ZHX2: variants seen among roughly 807,000 people sequenced by gnomAD.
The protein encoded by ZHX2 is zinc fingers and homeoboxes protein 2.
Under a neutral mutation model 21.9 loss-of-function variants are expected in ZHX2, and 6 were observed. That is an observed-to-expected ratio of 0.27 (90% CI 0.15 to 0.54). The LOEUF is 0.54. ZHX2 is among the 20% of genes least tolerant of loss of function. The probability of loss-of-function intolerance (pLI) is 0.95; values close to 1 mark genes in which losing one functional copy is unlikely to be tolerated. For synonymous variants in ZHX2, 434 were observed against 437.1 expected, an observed-to-expected ratio of 0.99 and a Z score of 0.09; for missense variants, 908 against 1,090.7, an observed-to-expected ratio of 0.83 and a Z score of 2.36.
rs144050929 is a variant in ZHX2 at position 122,796,914 on chromosome 8, C to T, written c.-283+14968C>T. On this transcript the variant is annotated intron_variant, in intron 1 of 3. Transcript: ENST00000314393. ...GCCTGCTGGTGCCTCCTTTGGTCTC[C>T]TAAGTCCGTGCTGTCTCCAGTAAGG... 3.3e-3 allele frequency among the ~76,000 whole-genome samples: 504 copies of T among 152,302 alleles called. 3 individuals carry two copies. The highest frequency in any genetic ancestry group is 0.012 in the African/African-American group (488 of 41,560).
In ZHX2 at chr8:122,952,019, C is replaced by A; in HGVS notation, c.509C>A (p.Pro170His). The A allele has an allele frequency of 6.2e-7, 1 of 1,613,770 alleles. No individual in the cohort carries two copies. Among genetic ancestry groups the A allele is most frequent in the Non-Finnish European group, 8.5e-7 (1 of 1,179,998 alleles). ...NHVVSITTSG[P>H]GTGDSDSGIS... Reference sequence around the variant, plus strand: ...GTCGTGTCCATCACCACCAGTGGCCCTGGAACTGGTGACAGTGATTCTGGG... The same window carrying A: ...GTCGTGTCCATCACCACCAGTGGCCATGGAACTGGTGACAGTGATTCTGGG... Residue 170 changes from proline to histidine, a missense_variant, in exon 3 of 4, where the codon CCT (proline) becomes CAT (histidine). Pro to His is a moderately conservative substitution (Grantham distance 77). Coordinates refer to ENST00000314393, the MANE Select transcript of ZHX2 (RefSeq NM_014943.5). This position sits in a 1 kb window ranked among gnomAD's most constrained non-coding sequence, Gnocchi z 6.9.
chr8:122,850,079 T>C (rs1278598182), intron 1 of ZHX2, among the ~76,000 whole-genome samples: 1 of 152,206 alleles, frequency 6.6e-6, no homozygotes, highest in East Asian at 1.9e-4. Context: ...TTAACCCCAA[T>C]GCACAGGCCA....
At chr8:122,829,028 A>G (rs1818317913) in intron 1 of ZHX2, among the ~76,000 whole-genome samples, 1 of 152,256 alleles carries the variant, frequency 6.6e-6, no homozygotes, top group African/African-American at 2.4e-5. Context: ...TTATAGAACA[A>G]TTTGAAGTTA....
intron 2 of ZHX2, among the ~76,000 whole-genome samples, chr8:122,922,920 G>T (rs1255134546): frequency 6.6e-6 from 1 of 152,188 alleles, no homozygotes; most frequent in African/African-American, 2.4e-5. Context: ...TTTTCCATCT[G>T]CCCGGTGGGC....
intron 2 of ZHX2, among the ~76,000 whole-genome samples, chr8:122,926,542 G>A (rs745925707): frequency 2.6e-5 from 4 of 152,184 alleles, no homozygotes; most frequent in African/African-American, 7.2e-5. Flanking sequence ...ACGGCCCATC[G>A]CTGTGCTGTA....
At chr8:122,840,298 A>G (rs7017646) in intron 1 of ZHX2, among the ~76,000 whole-genome samples, 1,599 of 152,296 alleles carry the variant, frequency 0.01, 23 homozygotes, top group African/African-American at 0.036. Context: ...GTGGAAATAC[A>G]GACTTCCAAG....
At chr8:122,924,484 C>A (rs1169116792) in intron 2 of ZHX2, among the ~76,000 whole-genome samples, 3 of 152,152 alleles carry the variant, frequency 2.0e-5, no homozygotes, top group Non-Finnish European at 4.4e-5. Flanking sequence ...GGGGTTAAGA[C>A]TTTGACATAT....
intron 1 of ZHX2, among the ~76,000 whole-genome samples, chr8:122,835,386 T>A (rs2130690740): frequency 6.6e-6 from 1 of 152,120 alleles, no homozygotes; most frequent in Admixed American, 6.5e-5. Context: ...GTGGTTGAGT[T>A]GATAAGCAGT....
chr8:122,899,867 C>T (rs1348374175), intron 2 of ZHX2, among the ~76,000 whole-genome samples: 3 of 152,218 alleles, frequency 2.0e-5, no homozygotes, highest in Non-Finnish European at 4.4e-5. Flanking sequence ...CAAGCATGCT[C>T]ATAATCTCAT....
rs570038803 is a variant in ZHX2, at chr8:122,923,329, G to A, written c.-219-27963G>A. ...TAGAGCAGCTGGAGACTGGCTGAGCGTCTGTCTCCCTGCTTGGGTAGGCTG... is the reference window on the plus strand; with the variant it reads ...TAGAGCAGCTGGAGACTGGCTGAGCATCTGTCTCCCTGCTTGGGTAGGCTG... On this transcript the variant is annotated intron_variant, in intron 2 of 3. Coordinates refer to ENST00000314393, the MANE Select transcript of ZHX2 (RefSeq NM_014943.5). Among the ~76,000 whole-genome samples, 104 of 152,322 alleles carry A rather than the reference G, an allele frequency of 6.8e-4. 1 individual carries two copies. The highest frequency in any genetic ancestry group is 2.3e-3 in the African/African-American group (95 of 41,566).
intron 2 of ZHX2, among the ~76,000 whole-genome samples, chr8:122,906,873 G>A (rs1417830422): frequency 6.6e-6 from 1 of 151,920 alleles, no homozygotes; most frequent in African/African-American, 2.4e-5. Context: ...GTTTCACCAT[G>A]TTGGCCAGGC....
chr8:122,843,612 G>A lies in ZHX2; in HGVS notation c.-282-19865G>A, dbSNP rs1011858995. 5.9e-5 allele frequency among the ~76,000 whole-genome samples: 9 copies of A among 152,304 alleles called. No homozygotes were observed. The South Asian group carries it at 1.9e-3, about 32-fold the overall frequency. On this transcript the variant is annotated intron_variant, in intron 1 of 3. Coordinates refer to ENST00000314393, the MANE Select transcript of ZHX2 (RefSeq NM_014943.5). Reference sequence around the variant, plus strand: ...CATTCTGAGCCATTTGGGTGGAAACGGTGAACTGCTGCCGGATCTGGGGAG... The same window carrying A: ...CATTCTGAGCCATTTGGGTGGAAACAGTGAACTGCTGCCGGATCTGGGGAG...
chr8:122,834,679 G>A (rs1041898883), intron 1 of ZHX2, among the ~76,000 whole-genome samples: 1 of 152,206 alleles, frequency 6.6e-6, no homozygotes, highest in African/African-American at 2.4e-5. Flanking sequence ...GCCGAATATC[G>A]GTGGTGGATT....
chr8:122,936,643 G>T (rs752587306), intron 2 of ZHX2, among the ~76,000 whole-genome samples: 46 of 152,184 alleles, frequency 3.0e-4, no homozygotes, highest in South Asian at 1.0e-3. Context: ...CCATCAAACT[G>T]GTTTAAACAA....
chr8:122,955,501 T>A (rs2130308415), intron 3 of ZHX2, among the ~76,000 whole-genome samples: 1 of 152,282 alleles, frequency 6.6e-6, no homozygotes, highest in Admixed American at 6.5e-5. Context: ...GATTCACTAA[T>A]AAAATGAGGC....
At chr8:122,856,683 G>T (rs1819031758) in intron 1 of ZHX2, among the ~76,000 whole-genome samples, 1 of 152,134 alleles carries the variant, frequency 6.6e-6, no homozygotes, top group African/African-American at 2.4e-5. Context: ...CACAGGCCAG[G>T]TACCTGGGAG....
At chr8:122,915,976 C>A (rs1199898459) in intron 2 of ZHX2, among the ~76,000 whole-genome samples, 1 of 152,192 alleles carries the variant, frequency 6.6e-6, no homozygotes, top group Non-Finnish European at 1.5e-5. Flanking sequence ...TCCTGCAGCC[C>A]AAGGAACACA....
intron 2 of ZHX2, among the ~76,000 whole-genome samples, chr8:122,903,237 G>A (rs1346680269): frequency 6.6e-6 from 1 of 152,126 alleles, no homozygotes; most frequent in Non-Finnish European, 1.5e-5. Context: ...TTATCTTCTT[G>A]GCACTGGATT....
intron 1 of ZHX2, among the ~76,000 whole-genome samples, chr8:122,797,704 G>A (rs1817638417): frequency 6.6e-6 from 1 of 152,000 alleles, no homozygotes; most frequent in Admixed American, 6.6e-5. Context: ...GACTCTGAAC[G>A]GCCACCCAGA....
Sources: gnomAD v4.1 joint callset for allele counts (sites outside exome capture counted in the v4.1 genomes callset) on GRCh38, gnomAD v4.1.1 for gene constraint, Gnocchi (gnomAD v3.1) non-coding constraint, MANE v1.5 for transcripts, NCBI Gene and HGNC (gene_info 2026-07-23, HGNC 2026-07-21) for gene names.